The following PCDHGB4 variants were observed in gnomAD, a reference collection of about 807,000 sequenced individuals.
PCDHGB4 encodes the protein protocadherin gamma subfamily B, 4.
A neutral mutation model predicts 60.5 loss-of-function variants in PCDHGB4; 38 were observed. That is an observed-to-expected ratio of 0.63 (90% CI 0.48 to 0.82). The LOEUF is 0.82. Ranked by LOEUF, PCDHGB4 falls within the 40% of genes least tolerant of loss-of-function variation. The probability of loss-of-function intolerance (pLI) is 0.00; values close to 1 mark genes in which losing one functional copy is unlikely to be tolerated. For synonymous variants in PCDHGB4, 456 were observed against 509.7 expected (o/e 0.89, Z 1.42); for missense variants, 1,109 against 1,209.6 (o/e 0.92, Z 1.23).
In PCDHGB4 at chr5:141,497,558, TA is replaced by T. The variant is rs543126612; in HGVS notation, c.2456+2694del. 6.7e-3 allele frequency among the ~76,000 whole-genome samples: 979 copies of T among 145,038 alleles called. 16 individuals carry two copies. Among genetic ancestry groups the T allele is most frequent in the African/African-American group, 0.024 (931 of 38,872 alleles). On this transcript the variant is annotated intron_variant, in intron 2 of 3. Coordinates refer to ENST00000519479, the MANE Select transcript of PCDHGB4 (RefSeq NM_003736.4). The stretch of plus-strand genomic sequence containing the variant: ...AACAAACCTTTTTTTTTTTTTTTTT[TA>T]GACAGAGTCTTGCTCTGTTGCCCAA...
Position 141,485,181 on chromosome 5 carries a change from G to C in PCDHGB4, c.2398-9626G>C. 1 of 1,612,942 alleles carries C rather than the reference G, an allele frequency of 6.2e-7. No individual in the cohort carries two copies. Among genetic ancestry groups the C allele is most frequent in the East Asian group, 2.2e-5 (1 of 44,868 alleles). On this transcript the variant is annotated intron_variant, in intron 1 of 3. Transcript: ENST00000519479. This position sits in a 1 kb window ranked among gnomAD's most constrained non-coding sequence, Gnocchi z 5.7. ...AATTAGCGGGCGGCAGCAATGCTCC[G>C]CAAGGTGAGAAGCTGGACAGAAATC...
At chr5:141,414,888 C>T (rs1452402953) in intron 1 of PCDHGB4, 2 of 1,614,210 alleles carry the variant, frequency 1.2e-6, no homozygotes, top group Non-Finnish European at 1.7e-6. Flanking sequence ...ACCCCGCCCT[C>T]CCCACAGACG....
At chr5:141,455,292 G>A (rs2098818902) in intron 1 of PCDHGB4, among the ~76,000 whole-genome samples, 1 of 152,068 alleles carries the variant, frequency 6.6e-6, no homozygotes, top group East Asian at 1.9e-4. Context: ...ACTTTACATA[G>A]TTTCATCTTG....
Position 141,491,401 on chromosome 5 carries a change from G to A in PCDHGB4, c.2398-3406G>A. The A allele has an allele frequency of 6.2e-7, 1 of 1,614,100 alleles. No homozygotes were observed. ...GTCAGCGAAGTGCCTTCAGGGAAAC[G>A]CAGACGGGGACGGGGGTGGAGGGCA... On this transcript the variant is annotated intron_variant, in intron 1 of 3. Transcript: ENST00000519479. This position sits in a 1 kb window ranked among gnomAD's most constrained non-coding sequence, Gnocchi z 6.9.
rs780436102 is a variant in PCDHGB4, at chr5:141,431,846, G to A, written c.2397+41565G>A. 1 of 1,614,274 alleles carries A rather than the reference G, an allele frequency of 6.2e-7. No individual in the cohort carries two copies. Among genetic ancestry groups the A allele is most frequent in the South Asian group, 1.1e-5 (1 of 91,088 alleles). On this transcript the variant is annotated intron_variant, in intron 1 of 3. Coordinates refer to ENST00000519479, the MANE Select transcript of PCDHGB4 (RefSeq NM_003736.4). The surrounding 1 kb of genome is among the most constrained non-coding windows in gnomAD (Gnocchi z 4.8). ...CTCGGTTCCCGAAAACTCTCCCAGA[G>A]GGACATTAATTGCCCTTTTAAATGT...
chr5:141,399,744 C>G (rs544697703), intron 1 of PCDHGB4: 1 of 1,613,320 alleles, frequency 6.2e-7, no homozygotes, highest in African/African-American at 1.3e-5. Context: ...CTGCGCTCAG[C>G]GCAAACGTGA....
chr5:141,420,968 T>A (rs1031890748), intron 1 of PCDHGB4: 1 of 441,548 alleles, frequency 2.3e-6, no homozygotes, highest in Non-Finnish European at 4.0e-6. Context: ...GTTGCAATAA[T>A]AAGAATGGGC....
chr5:141,398,985 A>C, intron 1 of PCDHGB4: 2 of 1,613,964 alleles, frequency 1.2e-6, no homozygotes, highest in Non-Finnish European at 1.7e-6. Context: ...GAACCGGGCA[A>C]ATCTTTAGTC....
In PCDHGB4 at chr5:141,432,967, G is replaced by T; in HGVS notation, c.2397+42686G>T. ...CAGGAGGCGGCTTGACAGGAGCGCC[G>T]GCGTCGCACTTTGTGGGCGTGGACG... On this transcript the variant is annotated intron_variant, in intron 1 of 3. Coordinates refer to ENST00000519479, the MANE Select transcript of PCDHGB4 (RefSeq NM_003736.4). The surrounding 1 kb of genome is among the most constrained non-coding windows in gnomAD (Gnocchi z 6.0). 1 of 1,614,190 alleles carries T rather than the reference G, an allele frequency of 6.2e-7. No homozygotes were observed. The highest frequency in any genetic ancestry group is 2.2e-5 in the East Asian group (1 of 44,854).
intron 1 of PCDHGB4, among the ~76,000 whole-genome samples, chr5:141,435,367 A>C (rs2097758993): frequency 1.3e-5 from 2 of 152,194 alleles, no homozygotes; most frequent in African/African-American, 4.8e-5. Flanking sequence ...TTTATCACTT[A>C]AATATACAAT....
chr5:141,407,139 A>G lies in PCDHGB4; in HGVS notation c.2397+16858A>G, dbSNP rs190510544. Among the ~76,000 whole-genome samples, 1,517 of 152,332 alleles carry G rather than the reference A, an allele frequency of 1.0e-2. 33 individuals carry two copies. The highest frequency in any genetic ancestry group is 0.034 in the African/African-American group (1,425 of 41,568). On this transcript the variant is annotated intron_variant, in intron 1 of 3. Coordinates refer to ENST00000519479, the MANE Select transcript of PCDHGB4 (RefSeq NM_003736.4). ...TTTCAGTTGCTTTATTTTTAAGAAA[A>G]AAAAGCTGAAGTGTCTGGGAATCCT...
In PCDHGB4 at chr5:141,477,362, G is replaced by T. The variant is rs920445601; in HGVS notation, c.2398-17445G>T. 6.2e-7 allele frequency: 1 copy of T among 1,614,142 alleles called. No individual in the cohort carries two copies. The highest frequency in any genetic ancestry group is 1.3e-5 in the African/African-American group (1 of 75,022). On this transcript the variant is annotated intron_variant, in intron 1 of 3. Coordinates refer to ENST00000519479, the MANE Select transcript of PCDHGB4 (RefSeq NM_003736.4). The surrounding 1 kb of genome is among the most constrained non-coding windows in gnomAD (Gnocchi z 4.9). ...CACTTTGAAAACCAGTGCAGACCTG[G>T]ATCGGGAGACTGTGCCAGAATACAA...
intron 1 of PCDHGB4, among the ~76,000 whole-genome samples, chr5:141,445,531 C>A (rs1476079791): frequency 6.6e-6 from 1 of 152,136 alleles, no homozygotes; most frequent in Non-Finnish European, 1.5e-5. Flanking sequence ...TGATAAAAGC[C>A]AACAAGGAGA....
At chr5:141,412,980 A>G (rs2095595071) in intron 1 of PCDHGB4, 2 of 543,674 alleles carry the variant, frequency 3.7e-6, no homozygotes, top group Non-Finnish European at 6.3e-6. Flanking sequence ...AAACGCAGCC[A>G]GAGCTCAATC....
At chr5:141,468,748 C>T (rs2099176836) in intron 1 of PCDHGB4, among the ~76,000 whole-genome samples, 1 of 151,866 alleles carries the variant, frequency 6.6e-6, no homozygotes, top group South Asian at 2.1e-4. Context: ...TGCCTGTAGT[C>T]CCAGCTACTC....
chr5:141,463,596 C>T (rs922480221), intron 1 of PCDHGB4, among the ~76,000 whole-genome samples: 5 of 151,874 alleles, frequency 3.3e-5, no homozygotes, highest in Admixed American at 2.0e-4. Flanking sequence ...CTACAGGTGC[C>T]TGCCACCATG....
In PCDHGB4 at chr5:141,485,233, C is replaced by T; in HGVS notation, c.2398-9574C>T. 1.2e-6 allele frequency: 2 copies of T among 1,614,182 alleles called. No individual in the cohort carries two copies. The highest frequency in any genetic ancestry group is 1.7e-6 in the Non-Finnish European group (2 of 1,180,030). ...GGCGGTGGGCTACCCTTTTGTTCCTCTTTTACCACCTGGGTTACGTTTGTG... is the reference window on the plus strand; with the variant it reads ...GGCGGTGGGCTACCCTTTTGTTCCTTTTTTACCACCTGGGTTACGTTTGTG... On this transcript the variant is annotated intron_variant, in intron 1 of 3. Transcript: ENST00000519479. This position sits in a 1 kb window ranked among gnomAD's most constrained non-coding sequence, Gnocchi z 5.7.
intron 1 of PCDHGB4, chr5:141,394,278 T>C: frequency 6.2e-7 from 1 of 1,613,924 alleles, no homozygotes; most frequent in Non-Finnish European, 8.5e-7. Context: ...CCAGGTCACT[T>C]ACTCTGTGAC....
chr5:141,394,253 C>A (rs771138606), intron 1 of PCDHGB4: 1 of 1,613,986 alleles, frequency 6.2e-7, no homozygotes, highest in Admixed American at 1.7e-5. Flanking sequence ...ACGACCCCGA[C>A]AGCCAGGAGA....
Sources: gnomAD v4.1 joint callset for allele counts (sites outside exome capture counted in the v4.1 genomes callset) on GRCh38, gnomAD v4.1.1 for gene constraint, Gnocchi (gnomAD v3.1) non-coding constraint, MANE v1.5 for transcripts, NCBI Gene and HGNC (gene_info 2026-07-23, HGNC 2026-07-21) for gene names.